Variants in PPP1R12B observed in about 807,000 individuals in gnomAD.
The protein encoded by PPP1R12B is protein phosphatase 1 regulatory subunit 12B.
PPP1R12B carries 76 observed loss-of-function variants against 126.1 expected under a neutral mutation model. The ratio of observed to expected loss-of-function variants is 0.60; its 90% CI spans 0.50 to 0.73. The LOEUF is 0.73. Among genes scored for constraint, PPP1R12B ranks in the 30% least tolerant of loss-of-function variants. The pLI, the probability that PPP1R12B is intolerant of heterozygous loss-of-function variation, is 0.00. For synonymous variants in PPP1R12B, 356 were observed against 434.7 expected, an observed-to-expected ratio of 0.82 and a Z score of 2.25; for missense variants, 1,052 against 1,205.1, an observed-to-expected ratio of 0.87 and a Z score of 1.88.
intron 1 of PPP1R12B, among the ~76,000 whole-genome samples, chr1:202,384,752 T>G (rs976556993): frequency 6.6e-6 from 1 of 152,328 alleles, no homozygotes; most frequent in East Asian, 1.9e-4. Context: ...ATTAAAAAAT[T>G]TATAGTGCTA....
At chr1:202,369,999 T>A (rs1314147000) in intron 1 of PPP1R12B, 1 of 155,998 alleles carries the variant, frequency 6.4e-6, no homozygotes, top group Non-Finnish European at 1.4e-5. Flanking sequence ...TTTCACCATG[T>A]TGTCCAGGCT....
rs189453427 is a variant in PPP1R12B, at chr1:202,520,028, C to A, written c.2490+23206C>A. Among the ~76,000 whole-genome samples, 181 of 152,264 alleles carry A rather than the reference C, an allele frequency of 1.2e-3. 1 individual carries two copies. Among genetic ancestry groups the A allele is most frequent in the Non-Finnish European group, 1.9e-3 (132 of 68,020 alleles). On this transcript the variant is annotated intron_variant, in intron 18 of 23. Coordinates refer to ENST00000608999, the MANE Select transcript of PPP1R12B (RefSeq NM_002481.4). ...AAAAATATGCATCTGGTGATTCTTT[C>A]ATTTGATTTGAAAACTGATTTCAGA...
intron 13 of PPP1R12B, among the ~76,000 whole-genome samples, chr1:202,463,715 T>C (rs748703911): frequency 6.6e-6 from 1 of 152,198 alleles, no homozygotes; most frequent in Non-Finnish European, 1.5e-5. Context: ...GATGAGAAGT[T>C]TCCTAGTTGA....
chr1:202,482,221 A>T (rs1290142999), intron 13 of PPP1R12B, among the ~76,000 whole-genome samples: 1 of 152,146 alleles, frequency 6.6e-6, no homozygotes, highest in Non-Finnish European at 1.5e-5. Context: ...ACTCTTCAAT[A>T]TACTAATTTC....
At chr1:202,549,850 G>A (rs1165063671) in intron 18 of PPP1R12B, among the ~76,000 whole-genome samples, 4 of 152,106 alleles carry the variant, frequency 2.6e-5, no homozygotes, top group Non-Finnish European at 4.4e-5. Flanking sequence ...CTACTCACAA[G>A]GCTGGGCACA....
intron 1 of PPP1R12B, among the ~76,000 whole-genome samples, chr1:202,382,672 T>C (rs1384177198): frequency 6.6e-6 from 1 of 150,630 alleles, no homozygotes; most frequent in East Asian, 1.9e-4. Flanking sequence ...AAGCCAGGAG[T>C]TCAAGACCAG....
At chr1:202,451,706 G>C (rs1023552372) in intron 13 of PPP1R12B, among the ~76,000 whole-genome samples, 4 of 152,116 alleles carry the variant, frequency 2.6e-5, no homozygotes, top group Non-Finnish European at 5.9e-5. Flanking sequence ...AGACGGGGTG[G>C]TGGCCGGGCA....
intron 18 of PPP1R12B, among the ~76,000 whole-genome samples, chr1:202,555,009 C>G (rs926115752): frequency 1.3e-5 from 2 of 152,016 alleles, no homozygotes; most frequent in African/African-American, 4.8e-5. Flanking sequence ...TGGAATCTGC[C>G]TTTTCATGTC....
intron 13 of PPP1R12B, among the ~76,000 whole-genome samples, chr1:202,458,106 G>A (rs1477243273): frequency 6.6e-6 from 1 of 151,642 alleles, no homozygotes; most frequent in African/African-American, 2.4e-5. Context: ...CCAAATTTCT[G>A]AGTCCATCTA....
intron 1 of PPP1R12B, among the ~76,000 whole-genome samples, chr1:202,351,314 AT>A: frequency 1.9e-3 from 1 of 514 alleles, no homozygotes; most frequent in Admixed American, 0.025. Context: ...AGCTCACTGC[AT>A]GCAACCTCCG....
intron 10 of PPP1R12B, chr1:202,439,049 G>T: frequency 7.3e-7 from 1 of 1,377,638 alleles, no homozygotes; most frequent in Non-Finnish European, 1.0e-6. Flanking sequence ...CTTCATCCTG[G>T]CCGCCAACTC....
At position 202,582,199 on chromosome 1, in the gene PPP1R12B, C is replaced by T. The variant is rs1457449789; in HGVS notation, c.*1639C>T. 1 of 152,188 alleles carries T rather than the reference C, an allele frequency of 6.6e-6. No homozygotes were observed. Among genetic ancestry groups the T allele is most frequent in the African/African-American group, 2.4e-5 (1 of 41,438 alleles). 9.4% of individuals were successfully genotyped at this position (152,188 alleles called of 1,614,324 possible). The stretch of plus-strand genomic sequence containing the variant: ...TACTTTGAGCTGCTGTTACTCTAGT[C>T]CTTTAAGTCATTCCTCATATGGCAT... On this transcript the variant is annotated 3_prime_UTR_variant, in exon 24 of 24. Transcript: ENST00000608999.
chr1:202,349,187 G>C (rs1476939364), intron 1 of PPP1R12B, 45 bp downstream of exon 1: 1 of 1,604,530 alleles, frequency 6.2e-7, no homozygotes, highest in East Asian at 2.2e-5. Context: ...TCCTACAGAT[G>C]AGCCTTTGAC....
intron 1 of PPP1R12B, among the ~76,000 whole-genome samples, chr1:202,365,138 A>G (rs979765972): frequency 6.6e-6 from 1 of 152,166 alleles, no homozygotes; most frequent in African/African-American, 2.4e-5. Context: ...AGTTGAACTC[A>G]TGGTATGTTA....
In PPP1R12B at chr1:202,507,576, CAA is replaced by C. The variant is rs573108982; in HGVS notation, c.2490+10756_2490+10757del. ...AGTGAATTTCCTGCTGGTATTTTTC[CAA>C]AGTTTTTCTTTTTAAAAAACGTATT... On this transcript the variant is annotated intron_variant, in intron 18 of 23. Transcript: ENST00000608999. 1.5e-4 allele frequency among the ~76,000 whole-genome samples: 23 copies of C among 152,210 alleles called. No homozygotes were observed. In the South Asian group the frequency reaches 4.6e-3, roughly 30 times the overall value.
At chr1:202,385,939 C>CT (rs879660179) in intron 1 of PPP1R12B, among the ~76,000 whole-genome samples, 2,296 of 144,680 alleles carry the variant, frequency 0.016, 40 homozygotes, top group African/African-American at 0.044. Context: ...TTTCTTTTTT[C>CT]TTTTTTTTTT....
intron 10 of PPP1R12B, chr1:202,438,439 C>T: frequency 2.2e-6 from 1 of 448,780 alleles, no homozygotes; most frequent in Non-Finnish European, 4.1e-6. Context: ...GCCCCCGCCT[C>T]CTGCCAGGGT....
intron 10 of PPP1R12B, chr1:202,439,942 G>GAA: frequency 6.5e-6 from 1 of 154,774 alleles, no homozygotes; most frequent in Non-Finnish European, 1.4e-5. Context: ...CTCCTACCCT[G>GAA]CAAAAAAAAA....
At chr1:202,397,498 A>G (rs1372693413) in intron 1 of PPP1R12B, among the ~76,000 whole-genome samples, 1 of 152,242 alleles carries the variant, frequency 6.6e-6, no homozygotes, top group African/African-American at 2.4e-5. Flanking sequence ...CAAATAGACC[A>G]GAAAAAATAT....
Sources: gnomAD v4.1 joint callset for allele counts (sites outside exome capture counted in the v4.1 genomes callset) on GRCh38, gnomAD v4.1.1 for gene constraint, MANE v1.5 for transcripts, NCBI Gene and HGNC (gene_info 2026-07-23, HGNC 2026-07-21) for gene names.